PPFIA2: variants seen among roughly 807,000 people sequenced by gnomAD.
The protein encoded by PPFIA2 is PPFI scaffold protein A2, also known as liprin-alpha-2.
Under a neutral mutation model 175.5 loss-of-function variants are expected in PPFIA2, and 46 were observed. That is an observed-to-expected ratio of 0.26 (90% CI 0.21 to 0.34). PPFIA2 has a LOEUF of 0.34. PPFIA2 is among the 10% of genes least tolerant of loss of function. PPFIA2 has a pLI of 1.00. For missense variants in PPFIA2, 1,179 were observed against 1,506.1 expected, an observed-to-expected ratio of 0.78 and a Z score of 3.60; for synonymous variants, 568 against 511.4, an observed-to-expected ratio of 1.11 and a Z score of -1.49.
intron 28 of PPFIA2, among the ~76,000 whole-genome samples, chr12:81,274,996 G>A (rs1413837404): frequency 6.6e-6 from 1 of 152,096 alleles, no homozygotes; most frequent in African/African-American, 2.4e-5. Context: ...ATCTATATGT[G>A]AAACATTTCA....
At chr12:81,712,569 G>A (rs1012235733) in intron 3 of PPFIA2, among the ~76,000 whole-genome samples, 1 of 151,060 alleles carries the variant, frequency 6.6e-6, no homozygotes, top group Non-Finnish European at 1.5e-5. Flanking sequence ...ATGTGTATAG[G>A]TTGCATTTTA....
intron 4 of PPFIA2, among the ~76,000 whole-genome samples, chr12:81,466,977 C>A (rs1446956684): frequency 1.3e-5 from 2 of 148,852 alleles, no homozygotes; most frequent in Non-Finnish European, 3.0e-5. Flanking sequence ...CAGTTTTTTT[C>A]TTTAATGGTA....
intron 4 of PPFIA2, among the ~76,000 whole-genome samples, chr12:81,558,514 T>G (rs545592284): frequency 6.6e-6 from 1 of 152,180 alleles, no homozygotes; most frequent in Non-Finnish European, 1.5e-5. Context: ...TTCCCGTGCT[T>G]TCACATGGAA....
chr12:81,307,112 C>T (rs1419725552), intron 22 of PPFIA2, among the ~76,000 whole-genome samples: 1 of 152,136 alleles, frequency 6.6e-6, no homozygotes, highest in Non-Finnish European at 1.5e-5. Flanking sequence ...TTACTTAACT[C>T]CTGGCTTCCC....
chr12:81,315,910 T>C (rs1323621059), intron 22 of PPFIA2, among the ~76,000 whole-genome samples: 1 of 151,720 alleles, frequency 6.6e-6, no homozygotes, highest in Non-Finnish European at 1.5e-5. Context: ...TTTAAGTTAA[T>C]ATTGACTTCA....
intron 3 of PPFIA2, among the ~76,000 whole-genome samples, chr12:81,735,408 C>A (rs1048243487): frequency 2.6e-5 from 4 of 151,758 alleles, no homozygotes; most frequent in African/African-American, 9.7e-5. Context: ...GATGAAATGT[C>A]TATGCAAATT....
At chr12:81,363,552 G>A (rs1409402175) in intron 14 of PPFIA2, among the ~76,000 whole-genome samples, 1 of 151,576 alleles carries the variant, frequency 6.6e-6, no homozygotes, top group Non-Finnish European at 1.5e-5. Context: ...AGGTCTAAAT[G>A]TATCATTCTA....
chr12:81,298,922 C>A (rs1012499977), intron 23 of PPFIA2, among the ~76,000 whole-genome samples: 1 of 152,148 alleles, frequency 6.6e-6, no homozygotes, highest in Non-Finnish European at 1.5e-5. Context: ...GGTGATCTTA[C>A]TACCTTGGAT....
Position 81,642,686 on chromosome 12 carries a change from T to TTATATACATAATGTATGTATATAA in PPFIA2, c.303+34104_303+34105insTTATATACATACATTATGTATATA, listed in dbSNP as rs1567686540. Among the ~76,000 whole-genome samples the TTATATACATAATGTATGTATATAA allele has an allele frequency of 8.9e-4, 77 of 86,970 alleles. 24 individuals carry two copies. In the East Asian group the frequency reaches 0.011, roughly 13 times the overall value. The allele number at this position is 86,970 out of a possible 152,430, so 57.1% of individuals were successfully genotyped here. A position where few individuals can be genotyped will look rare whatever the true frequency, so the allele number is the denominator to read the frequency against. On this transcript the variant is annotated intron_variant, in intron 4 of 32. Transcript: ENST00000549396. ...TTATATACATACATGTATGTATCTA[T>TTATATACATAATGTATGTATATAA]TATATACATACATGTATATGTATGT...
At position 81,383,979 on chromosome 12, in the gene PPFIA2, C is replaced by G. The variant is rs752947514; in HGVS notation, c.984+44G>C. 3.5e-6 allele frequency: 5 copies of G among 1,443,028 alleles called. No individual in the cohort carries two copies. In the Admixed American group the frequency reaches 5.2e-5, roughly 15 times the overall value. The allele number at this position is 1,443,028 out of a possible 1,614,324, so 89.4% of individuals were successfully genotyped here. ...AATTATGGAAACAGTATCTCAGAAG[C>G]AGCATTCAGAAATCAAAGACTGAAA... On this transcript the variant is annotated intron_variant, in intron 9 of 32. Transcript: ENST00000549396.
intron 7 of PPFIA2, among the ~76,000 whole-genome samples, chr12:81,425,470 G>A (rs750732715): frequency 5.9e-5 from 9 of 152,224 alleles, no homozygotes; most frequent in South Asian, 4.1e-4. Context: ...TCAGCCTCCC[G>A]AGTATCGGGG....
At chr12:81,447,023 GCA>G in intron 5 of PPFIA2, among the ~76,000 whole-genome samples, 1 of 152,126 alleles carries the variant, frequency 6.6e-6, no homozygotes, top group Middle Eastern at 3.4e-3. Context: ...TAATCGCCGG[GCA>G]CAGTGGCTCA....
intron 4 of PPFIA2, among the ~76,000 whole-genome samples, chr12:81,499,755 A>G (rs12814460): frequency 0.52 from 78,296 of 151,750 alleles, 20,479 homozygotes; most frequent in African/African-American, 0.59. Context: ...CTCACCTGGA[A>G]GAATAAATCA....
At chr12:81,596,704 G>A (rs948873506) in intron 4 of PPFIA2, among the ~76,000 whole-genome samples, 1 of 152,054 alleles carries the variant, frequency 6.6e-6, no homozygotes, top group African/African-American at 2.4e-5. Flanking sequence ...ATTGTAAGAG[G>A]TGTTCATATC....
intron 4 of PPFIA2, among the ~76,000 whole-genome samples, chr12:81,464,878 G>C (rs1208891541): frequency 1.2e-5 from 1 of 83,844 alleles, no homozygotes; most frequent in African/African-American, 6.9e-5. Flanking sequence ...AAACATAATA[G>C]AGCTGGAAAA....
chr12:81,473,325 C>A (rs562207572), intron 4 of PPFIA2, among the ~76,000 whole-genome samples: 30 of 152,270 alleles, frequency 2.0e-4, no homozygotes, highest in African/African-American at 7.0e-4. Context: ...ACAAGAATGG[C>A]TTGAACCCGG....
intron 4 of PPFIA2, among the ~76,000 whole-genome samples, chr12:81,605,968 C>T (rs2060270186): frequency 6.6e-6 from 1 of 151,802 alleles, no homozygotes; most frequent in Non-Finnish European, 1.5e-5. Context: ...ACGCTACACT[C>T]CATCCCTTCC....
At chr12:81,710,707 A>G (rs894574046) in intron 3 of PPFIA2, among the ~76,000 whole-genome samples, 16 of 151,726 alleles carry the variant, frequency 1.1e-4, no homozygotes, top group African/African-American at 3.9e-4. Flanking sequence ...AGATATTTTC[A>G]TATAATATTT....
chr12:81,533,768 C>T (rs12831002), intron 4 of PPFIA2, among the ~76,000 whole-genome samples: 3 of 150,198 alleles, frequency 2.0e-5, no homozygotes, highest in East Asian at 2.0e-4. Flanking sequence ...TATATATACA[C>T]ATTTGTGTAT....
Sources: allele counts gnomAD v4.1 joint callset (sites outside exome capture counted in the v4.1 genomes callset), GRCh38; gene constraint gnomAD v4.1.1; transcripts MANE v1.5; gene names NCBI Gene and HGNC (gene_info 2026-07-23, HGNC 2026-07-21).